Variants in CD200 observed in about 807,000 individuals in gnomAD.
CD200 encodes CD200 molecule.
CD200 carries 15 observed loss-of-function variants against 30.9 expected under a neutral mutation model. The observed-to-expected ratio is 0.49, with a 90% CI of 0.32 to 0.75. CD200 has a LOEUF of 0.75. Among genes scored for constraint, CD200 ranks in the 30% least tolerant of loss-of-function variants. The pLI, the probability that CD200 is intolerant of heterozygous loss-of-function variation, is 0.03. For missense variants in CD200, 262 were observed against 324.2 expected, an observed-to-expected ratio of 0.81 and a Z score of 1.47; for synonymous variants, 134 against 126.2, an observed-to-expected ratio of 1.06 and a Z score of -0.41.
chr3:112,333,702 G>A (rs1369542265), intron 1 of CD200: 2 of 985,324 alleles, frequency 2.0e-6, no homozygotes, highest in South Asian at 4.7e-5. Context: ...CGCTTTCTCC[G>A]GGAGAGCTCC....
chr3:112,339,428 G>A (rs1222101047), intron 1 of CD200, among the ~76,000 whole-genome samples: 1 of 152,174 alleles, frequency 6.6e-6, no homozygotes, highest in African/African-American at 2.4e-5. Context: ...GGCTCAGGGA[G>A]ATAAATATTT....
rs879786648 is a variant in CD200, at chr3:112,360,333, A to AAAAAAAAAAT, written c.803-1209_803-1208insAAAAAAAATA. ...ACACAGTGAGACTTCATCTAAAAAA[A>AAAAAAAAAAT]ATATATATATATATGTATATATTTT... On this transcript the variant is annotated intron_variant, in intron 5 of 5. Coordinates refer to ENST00000315711, the MANE Select transcript of CD200 (RefSeq NM_005944.7). 3.2e-3 allele frequency among the ~76,000 whole-genome samples: 453 copies of AAAAAAAAAAT among 141,280 alleles called. 2 individuals carry two copies. Among genetic ancestry groups the AAAAAAAAAAT allele is most frequent in the Non-Finnish European group, 4.9e-3 (308 of 62,564 alleles). The allele number at this position is 141,280 out of a possible 152,430, so 92.7% of individuals were successfully genotyped here.
chr3:112,362,005 T>C lies in CD200; in HGVS notation c.*455T>C, dbSNP rs939051100. On this transcript the variant is annotated 3_prime_UTR_variant, in exon 6 of 6. Transcript: ENST00000315711. ...AAGGGAATAAGCAAAGGGGGAAGAA[T>C]TGAAAGAGAGAGAGAAGAAAGAATA... 4 of 160,672 alleles carry C rather than the reference T, an allele frequency of 2.5e-5. No individual in the cohort carries two copies. The highest frequency in any genetic ancestry group is 5.4e-5 in the Non-Finnish European group (4 of 73,714). The allele number at this position is 160,672 out of a possible 1,614,324, so 10.0% of individuals were successfully genotyped here. A position where few individuals can be genotyped will look rare whatever the true frequency, so the allele number is the denominator to read the frequency against.
intron 1 of CD200, chr3:112,336,017 G>A: frequency 6.2e-7 from 1 of 1,601,964 alleles, no homozygotes; most frequent in Non-Finnish European, 8.6e-7. Context: ...ATGATTACCA[G>A]GTAATTTTCT....
At chr3:112,346,040 A>G (rs2081381638) in intron 3 of CD200, among the ~76,000 whole-genome samples, 1 of 152,196 alleles carries the variant, frequency 6.6e-6, no homozygotes, top group African/African-American at 2.4e-5. Context: ...TATTAAGGTG[A>G]GAGTTTACTC....
intron 4 of CD200, 82 bp downstream of exon 4, chr3:112,347,912 C>CTGAA: frequency 1.6e-6 from 2 of 1,255,668 alleles, no homozygotes; most frequent in South Asian, 1.4e-5. Flanking sequence ...CAGAGGTTTT[C>CTGAA]AGCCTCTTAG....
intron 5 of CD200, among the ~76,000 whole-genome samples, chr3:112,350,313 C>T (rs1047096941): frequency 1.2e-4 from 19 of 152,188 alleles, no homozygotes; most frequent in South Asian, 1.0e-3. Flanking sequence ...GCCATTCTGC[C>T]CTTCTAGACT....
chr3:112,339,350 G>A (rs1378159391), intron 1 of CD200, among the ~76,000 whole-genome samples: 1 of 152,186 alleles, frequency 6.6e-6, no homozygotes, highest in East Asian at 1.9e-4. Flanking sequence ...AAAAGACCAA[G>A]GATATAATGT....
At chr3:112,345,861 G>C (rs370732929) in intron 3 of CD200, among the ~76,000 whole-genome samples, 12 of 152,116 alleles carry the variant, frequency 7.9e-5, no homozygotes, top group African/African-American at 2.9e-4. Flanking sequence ...GATATAACTG[G>C]GCAAGAGCAT....
chr3:112,356,626 C>A lies in CD200; in HGVS notation c.803-4917C>A, dbSNP rs570254659. ...TAACTGAAATTCTTTTCATCTTAAC[C>A]AAGGCCACATGAAATAAGAAACTGA... On this transcript the variant is annotated intron_variant, in intron 5 of 5. Transcript: ENST00000315711. Among the ~76,000 whole-genome samples the A allele has an allele frequency of 2.6e-5, 4 of 152,272 alleles. No homozygotes were observed. In the East Asian group the frequency reaches 7.7e-4, roughly 29 times the overall value.
chr3:112,332,961 C>T (rs556092386), upstream of CD200: 4 of 554,794 alleles, frequency 7.2e-6, no homozygotes, highest in Middle Eastern at 4.8e-4. Context: ...GTTTCCCCAG[C>T]GGTCACCTTT....
At chr3:112,337,784 C>T (rs72950298) in intron 1 of CD200, among the ~76,000 whole-genome samples, 1,602 of 152,222 alleles carry the variant, frequency 0.011, 35 homozygotes, top group African/African-American at 0.037. Flanking sequence ...TCCCTTGGGA[C>T]CCATGGGGGC....
At chr3:112,333,856 G>A (rs545626263) in intron 1 of CD200, 3 of 985,288 alleles carry the variant, frequency 3.0e-6, no homozygotes, top group Non-Finnish European at 2.4e-6. Context: ...TTAACCCCGG[G>A]TATCTAGAGA....
chr3:112,333,178 A>T lies in CD200; in HGVS notation c.-35A>T, dbSNP rs773870059. 3.5e-5 allele frequency: 54 copies of T among 1,548,958 alleles called. No individual in the cohort carries two copies. The highest frequency in any genetic ancestry group is 1.0e-5 in the Non-Finnish European group (12 of 1,146,564). On this transcript the variant is annotated 5_prime_UTR_variant, in exon 1 of 6. Transcript: ENST00000315711. ...AGCAGAGCTCCAGGCGCACATCCGCAGTCAGCCACCTCGCGCGCGCCTCCA... is the reference window on the plus strand; with the variant it reads ...AGCAGAGCTCCAGGCGCACATCCGCTGTCAGCCACCTCGCGCGCGCCTCCA...
chr3:112,346,182 G>A (rs1434915986), intron 3 of CD200, among the ~76,000 whole-genome samples: 2 of 151,986 alleles, frequency 1.3e-5, no homozygotes, highest in African/African-American at 2.4e-5. Flanking sequence ...ATCTTATGTT[G>A]TTTCTTTCTT....
Position 112,340,944 on chromosome 3 carries a change from G to T in CD200, c.55G>T (p.Val19Phe), listed in dbSNP as rs757705204. The T allele has an allele frequency of 6.2e-7, 1 of 1,612,810 alleles. No individual in the cohort carries two copies. Among genetic ancestry groups the T allele is most frequent in the Non-Finnish European group, 8.5e-7 (1 of 1,178,998 alleles). Residue 19 changes from valine (V) to phenylalanine (F), a missense_variant, in exon 2 of 6, where the codon GTT (valine) becomes TTT (phenylalanine). Transcript: ENST00000315711. Reference protein sequence around the residue: ...PFSHLSTYSLVWVMAAVVLCT... With the variant: ...PFSHLSTYSLFWVMAAVVLCT... ...CTCTCATCTGTCTACCTACAGCCTG[G>T]TTTGGGTCATGGCAGCAGTGGTGCT...
In CD200 at chr3:112,361,563, G is replaced by C. The variant is rs2108480522; in HGVS notation, c.*13G>C. The C allele has an allele frequency of 6.2e-7, 1 of 1,607,820 alleles. No homozygotes were observed. Among genetic ancestry groups the C allele is most frequent in the Middle Eastern group, 1.7e-4 (1 of 6,050 alleles). ...TCCAGAGCCCTAAATAAGTCACACA[G>C]CACCCTGAAAGTGATTCCCTGGTCT... On this transcript the variant is annotated 3_prime_UTR_variant, in exon 6 of 6. Coordinates refer to ENST00000315711, the MANE Select transcript of CD200 (RefSeq NM_005944.7).
intron 2 of CD200, 45 bp from the exon 3 acceptor site, chr3:112,344,909 AGTGTATGT>A: frequency 7.8e-7 from 1 of 1,276,264 alleles, no homozygotes; most frequent in South Asian, 1.4e-5. Flanking sequence ...ATCAGGAAAA[AGTGTATGT>A]GTGTTACAAT....
Position 112,347,731 on chromosome 3 carries a change from C to T in CD200, c.595C>T (p.Leu199Phe), listed in dbSNP as rs752603911. ...PNGTTSVTSILHIKDPKNQVG... is the reference protein window; with the variant it reads ...PNGTTSVTSIFHIKDPKNQVG... ...TGGGACCACGTCTGTTACCAGCATC[C>T]TCCATATCAAAGACCCTAAGAATCA... The change falls in exon 4 of 6, where the codon CTC becomes TTC. Residue 199 changes from leucine (L) to phenylalanine (F), a missense_variant. Physicochemically the swap from Leu to Phe is conservative, Grantham distance 22. Transcript: ENST00000315711. 6.2e-7 allele frequency: 1 copy of T among 1,613,972 alleles called. No individual in the cohort carries two copies. Among genetic ancestry groups the T allele is most frequent in the Non-Finnish European group, 8.5e-7 (1 of 1,179,920 alleles).
Sources: gnomAD v4.1 joint callset for allele counts (sites outside exome capture counted in the v4.1 genomes callset) on GRCh38, gnomAD v4.1.1 for gene constraint, MANE v1.5 for transcripts, NCBI Gene and HGNC (gene_info 2026-07-23, HGNC 2026-07-21) for gene names.